PHF21B: variants seen among roughly 807,000 people sequenced by gnomAD.
The protein encoded by PHF21B is PHD finger protein 4.
PHF21B carries 22 observed loss-of-function variants against 62.2 expected under a neutral mutation model. The observed-to-expected ratio is 0.35, with a 90% CI of 0.25 to 0.51. PHF21B has a LOEUF of 0.51. Among genes scored for constraint, PHF21B ranks in the 20% least tolerant of loss-of-function variants. The pLI is 0.97. For synonymous variants in PHF21B, 341 were observed against 314.7 expected (o/e 1.08, Z -0.88); for missense variants, 701 against 707.9 (o/e 0.99, Z 0.11).
At chr22:44,942,572 GTGTGC>G (rs2071979957) in intron 2 of PHF21B, among the ~76,000 whole-genome samples, 1 of 152,194 alleles carries the variant, frequency 6.6e-6, no homozygotes. Flanking sequence ...CAGAGCCCAT[GTGTGC>G]TCCAGGCTGC....
intron 5 of PHF21B, among the ~76,000 whole-genome samples, chr22:44,896,878 C>CTTTTTTT: frequency 2.7e-5 from 1 of 37,316 alleles, no homozygotes; most frequent in Admixed American, 3.1e-4. Flanking sequence ...TTAGTTTTAT[C>CTTTTTTT]TGTTTTTTTT....
At position 44,885,849 on chromosome 22, in the gene PHF21B, C is replaced by G; in HGVS notation, c.1273+14G>C. 6.2e-7 allele frequency: 1 copy of G among 1,613,688 alleles called. No individual in the cohort carries two copies. Among genetic ancestry groups the G allele is most frequent in the Non-Finnish European group, 8.5e-7 (1 of 1,179,722 alleles). On this transcript the variant is annotated intron_variant, in intron 11 of 12. Coordinates refer to ENST00000313237, the MANE Select transcript of PHF21B (RefSeq NM_138415.5). ...GGAGCAGGTACCCTTTTCCACTCCC[C>G]AGGGATGCCTCACCTGTCTTGTGGG...
At chr22:44,913,643 C>T (rs2147296614) in intron 5 of PHF21B, among the ~76,000 whole-genome samples, 179 bp downstream of exon 5, 1 of 152,336 alleles carries the variant, frequency 6.6e-6, no homozygotes. Flanking sequence ...TGAGATAGAA[C>T]AGTTGAGACC....
At chr22:44,974,602 C>T (rs146863551) in intron 2 of PHF21B, among the ~76,000 whole-genome samples, 49 of 152,234 alleles carry the variant, frequency 3.2e-4, no homozygotes, top group African/African-American at 7.2e-4. Context: ...GTGACCACAG[C>T]GGGTCACTTC....
At chr22:44,922,557 G>C (rs1338301284) in intron 2 of PHF21B, among the ~76,000 whole-genome samples, 1 of 151,220 alleles carries the variant, frequency 6.6e-6, no homozygotes, top group Non-Finnish European at 1.5e-5. Context: ...GCTTGAACCT[G>C]GGAGGTGGAG....
chr22:44,931,946 A>G (rs2147341328), intron 2 of PHF21B, among the ~76,000 whole-genome samples: 1 of 152,314 alleles, frequency 6.6e-6, no homozygotes, highest in African/African-American at 2.4e-5. Flanking sequence ...CCTGCTGGGA[A>G]TGTCCAAAAT....
At chr22:44,977,987 C>T (rs2072769972) in intron 2 of PHF21B, among the ~76,000 whole-genome samples, 1 of 152,164 alleles carries the variant, frequency 6.6e-6, no homozygotes, top group African/African-American at 2.4e-5. Context: ...AAGGTTGTTG[C>T]ACGTGGCCTC....
At chr22:44,885,401 G>C (rs1230790167) in intron 12 of PHF21B, 25 bp downstream of exon 12, 1 of 1,547,198 alleles carries the variant, frequency 6.5e-7, no homozygotes, top group Non-Finnish European at 8.7e-7. Flanking sequence ...GCTGAGGCCA[G>C]CCTCCCCCAG....
rs373337809 is a variant in PHF21B, at chr22:44,959,055, G to A, written c.121-38565C>T. ...CAGATGGTATACTGCCTGATTTCTC[G>A]GAGGATGAGACAGTTTTGGAAGCCT... On this transcript the variant is annotated intron_variant, in intron 2 of 12. Transcript: ENST00000313237. Among the ~76,000 whole-genome samples the A allele has an allele frequency of 7.2e-4, 110 of 152,214 alleles. No individual in the cohort carries two copies. The South Asian group carries it at 0.022, about 31-fold the overall frequency.
intron 2 of PHF21B, among the ~76,000 whole-genome samples, chr22:44,957,171 C>T (rs1486165589): frequency 1.3e-5 from 2 of 152,216 alleles, no homozygotes; most frequent in Non-Finnish European, 2.9e-5. Context: ...GCTGTGGACC[C>T]ACAGCCTCTG....
At chr22:44,958,950 A>G (rs1458035520) in intron 2 of PHF21B, among the ~76,000 whole-genome samples, 2 of 151,812 alleles carry the variant, frequency 1.3e-5, no homozygotes, top group East Asian at 3.9e-4. Flanking sequence ...CCCTCCTTTG[A>G]TCATTTAACT....
At chr22:45,007,468 G>A (rs1246785235) in intron 2 of PHF21B, among the ~76,000 whole-genome samples, 1 of 145,520 alleles carries the variant, frequency 6.9e-6, no homozygotes, top group Non-Finnish European at 1.5e-5. Flanking sequence ...GGCGGGCCCG[G>A]AGCTGTCCAA....
At chr22:44,909,253 G>A (rs374250479) in intron 5 of PHF21B, among the ~76,000 whole-genome samples, 11 of 152,314 alleles carry the variant, frequency 7.2e-5, no homozygotes, top group Middle Eastern at 3.4e-3. Flanking sequence ...AATTGACTAA[G>A]ATATATTAAA....
At chr22:44,902,210 AAGC>A in intron 5 of PHF21B, 1 of 197,560 alleles carries the variant, frequency 5.1e-6, no homozygotes. Flanking sequence ...TGCTTAATTC[AAGC>A]AGCAGCAGCT....
chr22:44,936,080 C>T (rs1460162264), intron 2 of PHF21B, among the ~76,000 whole-genome samples: 1 of 152,230 alleles, frequency 6.6e-6, no homozygotes, highest in African/African-American at 2.4e-5. Flanking sequence ...CTAGGAGAGG[C>T]GGAAACATTC....
intron 7 of PHF21B, among the ~76,000 whole-genome samples, chr22:44,892,825 T>C (rs1382723365): frequency 1.1e-4 from 17 of 152,226 alleles, no homozygotes; most frequent in Non-Finnish European, 2.9e-5. Flanking sequence ...AGGTGTCATT[T>C]ATGATCTGGT....
intron 2 of PHF21B, among the ~76,000 whole-genome samples, chr22:44,936,023 T>G (rs889647522): frequency 2.0e-5 from 3 of 152,244 alleles, no homozygotes; most frequent in Non-Finnish European, 4.4e-5. Flanking sequence ...CTTCTAACTG[T>G]GCAAATAACG....
rs191501548 is a variant in PHF21B at position 44,925,735 on chromosome 22, C to T, written c.121-5245G>A. Among the ~76,000 whole-genome samples, 7 of 152,294 alleles carry T rather than the reference C, an allele frequency of 4.6e-5. No individual in the cohort carries two copies. In the East Asian group the frequency reaches 9.7e-4, roughly 21 times the overall value. On this transcript the variant is annotated intron_variant, in intron 2 of 12. Coordinates refer to ENST00000313237, the MANE Select transcript of PHF21B (RefSeq NM_138415.5). ...ACCACCTCAGGTGCCACCTGATGCCCGCCTCCCCTAATGCATGTCTCAAAG... is the reference window on the plus strand; with the variant it reads ...ACCACCTCAGGTGCCACCTGATGCCTGCCTCCCCTAATGCATGTCTCAAAG...
intron 2 of PHF21B, among the ~76,000 whole-genome samples, chr22:44,983,277 A>T (rs971273000): frequency 1.3e-5 from 2 of 151,944 alleles, no homozygotes; most frequent in African/African-American, 4.8e-5. Context: ...AAATCTAGTG[A>T]ATGACCTAAA....
Sources: allele counts gnomAD v4.1 joint callset (sites outside exome capture counted in the v4.1 genomes callset), GRCh38; gene constraint gnomAD v4.1.1; transcripts MANE v1.5; gene names NCBI Gene and HGNC (gene_info 2026-07-23, HGNC 2026-07-21).